GRIK3: variants seen among roughly 807,000 people sequenced by gnomAD.
The protein encoded by GRIK3 is glutamate receptor ionotropic, kainate 3.
Under a neutral mutation model 102.5 loss-of-function variants are expected in GRIK3, and 29 were observed. The observed-to-expected ratio is 0.28, with a 90% confidence interval of 0.21 to 0.39. GRIK3 has a LOEUF of 0.39. GRIK3 is among the 10% of genes least tolerant of loss of function. The pLI is 1.00. For missense variants in GRIK3, 908 were observed against 1,252.4 expected (o/e 0.73, Z 4.15); for synonymous variants, 511 against 504.9 (o/e 1.01, Z -0.16).
intron 10 of GRIK3, among the ~76,000 whole-genome samples, chr1:36,840,097 C>T (rs1458238401): frequency 6.6e-6 from 1 of 152,180 alleles, no homozygotes; most frequent in African/African-American, 2.4e-5. Context: ...GAACACAGGG[C>T]TACGAGGCAG....
At chr1:36,817,315 T>G (rs1326060011) in intron 12 of GRIK3, 38 bp from the exon 13 acceptor site, 1 of 1,378,114 alleles carries the variant, frequency 7.3e-7, no homozygotes, top group South Asian at 1.2e-5. Flanking sequence ...CCTTACAACA[T>G]CCAGACTAGC....
At chr1:36,889,835 T>A (rs1181316259) in intron 2 of GRIK3, among the ~76,000 whole-genome samples, 3 of 152,178 alleles carry the variant, frequency 2.0e-5, no homozygotes, top group East Asian at 3.9e-4. Flanking sequence ...TAGCTTTTTG[T>A]GGGTGGTTGT....
chr1:36,954,338 C>A (rs1280350022), intron 1 of GRIK3, among the ~76,000 whole-genome samples: 2 of 152,232 alleles, frequency 1.3e-5, no homozygotes, highest in Admixed American at 1.3e-4. Context: ...CAGCACACAG[C>A]CTCAGCATCA....
intron 1 of GRIK3, among the ~76,000 whole-genome samples, chr1:37,024,046 A>G (rs2124081489): frequency 6.6e-6 from 1 of 152,348 alleles, no homozygotes; most frequent in East Asian, 1.9e-4. Context: ...AAAAGATCTC[A>G]TGTATCTCAT....
intron 10 of GRIK3, among the ~76,000 whole-genome samples, chr1:36,839,340 AC>A (rs1640420275): frequency 6.6e-6 from 1 of 152,188 alleles, no homozygotes; most frequent in African/African-American, 2.4e-5. Context: ...AATAACGGTG[AC>A]AACACCACTC....
intron 1 of GRIK3, among the ~76,000 whole-genome samples, chr1:36,928,663 C>T (rs1198741342): frequency 6.6e-6 from 1 of 152,218 alleles, no homozygotes; most frequent in Non-Finnish European, 1.5e-5. Context: ...TGCAACCCTC[C>T]CTGGTTTCCC....
intron 1 of GRIK3, among the ~76,000 whole-genome samples, chr1:37,023,751 T>A (rs977472323): frequency 6.6e-6 from 1 of 152,154 alleles, no homozygotes; most frequent in African/African-American, 2.4e-5. Flanking sequence ...GAACAGTGAT[T>A]CCCAACCCCA....
intron 1 of GRIK3, 45 bp from the exon 2 acceptor site, chr1:36,891,141 G>C: frequency 6.8e-7 from 1 of 1,471,762 alleles, no homozygotes; most frequent in Non-Finnish European, 9.4e-7. Context: ...AGGAGGGATG[G>C]GGCTCTAGCA....
At position 36,872,359 on chromosome 1, in the gene GRIK3, T is replaced by C. The variant is rs2124254117; in HGVS notation, c.561A>G (p.Arg187=). 6.3e-7 allele frequency: 1 copy of C among 1,599,594 alleles called. No individual in the cohort carries two copies. The highest frequency in any genetic ancestry group is 8.5e-7 in the Non-Finnish European group (1 of 1,171,216). Residue 187 remains arginine (R), a synonymous_variant, in exon 4 of 16, where the codon CGA becomes CGG. Coordinates refer to ENST00000373091, the MANE Select transcript of GRIK3 (RefSeq NM_000831.4). The surrounding 1 kb of genome is among the most constrained non-coding windows in gnomAD (Gnocchi z 5.9). ...VVYDDSTGLI[R]LQELIMAPSR... The stretch of plus-strand genomic sequence containing the variant: ...ATGGGGCCATGATGAGCTCCTGCAG[T>C]CGGATGAGCCCTGAGGGGCCATGGA...
chr1:36,889,987 G>A (rs1035823044), intron 2 of GRIK3, among the ~76,000 whole-genome samples: 11 of 152,142 alleles, frequency 7.2e-5, no homozygotes, highest in African/African-American at 2.7e-4. Flanking sequence ...TCAGCAGGGA[G>A]ATGGACACTT....
intron 1 of GRIK3, among the ~76,000 whole-genome samples, chr1:36,938,076 T>C (rs1641678829): frequency 6.6e-6 from 1 of 152,228 alleles, no homozygotes; most frequent in East Asian, 1.9e-4. Context: ...CTTCAGGCAC[T>C]CATGGACTGG....
intron 1 of GRIK3, among the ~76,000 whole-genome samples, chr1:36,927,092 C>T (rs1299458764): frequency 6.6e-6 from 1 of 152,092 alleles, no homozygotes; most frequent in Non-Finnish European, 1.5e-5. Flanking sequence ...TTAAATTGAG[C>T]GTCAAAGAGC....
intron 1 of GRIK3, among the ~76,000 whole-genome samples, chr1:37,013,211 G>A (rs994939219): frequency 7.9e-5 from 12 of 152,144 alleles, no homozygotes; most frequent in African/African-American, 2.9e-4. Flanking sequence ...AACAGTATGG[G>A]GGAAACTGCT....
In GRIK3 at chr1:36,869,758, A is replaced by T. The variant is rs1182945650; in HGVS notation, c.776T>A (p.Phe259Tyr). The stretch of plus-strand genomic sequence containing the variant: ...CCAGAGGTACATTACCAGAGTGGTG[A>T]AGATGAAGTGGTAGTACTCAGTCAT... ...GMMTEYYHFI[F>Y]TTLDLYALDL... Residue 259 changes from phenylalanine to tyrosine, a missense_variant, in exon 5 of 16, where the codon TTC becomes TAC. By Grantham distance (22) the Phe-to-Tyr change is conservative (BLOSUM62 3). Transcript: ENST00000373091. 1 of 1,610,818 alleles carries T rather than the reference A, an allele frequency of 6.2e-7. No homozygotes were observed. Among genetic ancestry groups the T allele is most frequent in the South Asian group, 1.1e-5 (1 of 91,028 alleles).
intron 13 of GRIK3, among the ~76,000 whole-genome samples, chr1:36,807,750 C>A (rs932885336): frequency 6.6e-6 from 1 of 152,152 alleles, no homozygotes; most frequent in Non-Finnish European, 1.5e-5. Context: ...CAGGCAGGAC[C>A]CCTTAGAATT....
At chr1:36,869,125 T>A (rs1640817050) in intron 5 of GRIK3, among the ~76,000 whole-genome samples, 1 of 152,218 alleles carries the variant, frequency 6.6e-6, no homozygotes, top group African/African-American at 2.4e-5. Flanking sequence ...TTTATTCTGC[T>A]GAACTCAGGC....
chr1:36,863,574 A>G (rs1017560092), intron 5 of GRIK3, among the ~76,000 whole-genome samples: 5 of 151,998 alleles, frequency 3.3e-5, no homozygotes, highest in African/African-American at 1.2e-4. Flanking sequence ...CCCTCTGTTC[A>G]GCACCTTTGT....
At chr1:36,917,431 G>C (rs933445380) in intron 1 of GRIK3, among the ~76,000 whole-genome samples, 8 of 152,164 alleles carry the variant, frequency 5.3e-5, no homozygotes, top group Admixed American at 5.2e-4. Context: ...AGATTTGGGA[G>C]GGGCCAGGGG....
chr1:36,848,160 T>G (rs918679585), intron 9 of GRIK3, among the ~76,000 whole-genome samples: 1 of 152,210 alleles, frequency 6.6e-6, no homozygotes, highest in Admixed American at 6.5e-5. Flanking sequence ...TGCAGAAGGG[T>G]TTTATGCCCT....
Sources: allele counts gnomAD v4.1 joint callset (sites outside exome capture counted in the v4.1 genomes callset), GRCh38; gene constraint gnomAD v4.1.1; non-coding constraint Gnocchi (gnomAD v3.1); transcripts MANE v1.5; gene names NCBI Gene and HGNC (gene_info 2026-07-23, HGNC 2026-07-21).